The following DBF4B variants were observed in gnomAD, a reference collection of about 807,000 sequenced individuals.
DBF4B encodes protein DBF4 homolog B.
Under a neutral mutation model 53.4 loss-of-function variants are expected in DBF4B, and 49 were observed. That is an observed-to-expected ratio of 0.92 (90% confidence interval 0.73 to 1.16). DBF4B has a LOEUF of 1.16. DBF4B is among the 50% of genes most tolerant of loss of function. The probability of loss-of-function intolerance (pLI) is 0.00; values close to 1 mark genes in which losing one functional copy is unlikely to be tolerated. For synonymous variants in DBF4B, 257 were observed against 288.7 expected (o/e 0.89, Z 1.11); for missense variants, 692 against 775.0 (o/e 0.89, Z 1.27).
chr17:44,751,621 A>C lies in DBF4B; in HGVS notation c.*368A>C. ...CCTCTCCTGGAAAACACTTGAGTTGATTCAGTAAATCGACTTCAAATACTT... is the reference window on the plus strand; with the variant it reads ...CCTCTCCTGGAAAACACTTGAGTTGCTTCAGTAAATCGACTTCAAATACTT... On this transcript the variant is annotated 3_prime_UTR_variant, in exon 14 of 14. Coordinates refer to ENST00000315005, the MANE Select transcript of DBF4B (RefSeq NM_145663.3). 7.3e-7 allele frequency: 1 copy of C among 1,363,152 alleles called. No homozygotes were observed. The highest frequency in any genetic ancestry group is 9.5e-7 in the Non-Finnish European group (1 of 1,057,532). The allele number at this position is 1,363,152 out of a possible 1,614,324, so 84.4% of individuals were successfully genotyped here.
chr17:44,719,704 G>A (rs1158630071), intron 2 of DBF4B: 4 of 159,778 alleles, frequency 2.5e-5, no homozygotes, highest in Non-Finnish European at 5.5e-5. Context: ...GGACATATGA[G>A]TTTCCACTTT....
intron 3 of DBF4B, among the ~76,000 whole-genome samples, chr17:44,728,466 T>C (rs1568175906): frequency 6.6e-6 from 1 of 152,172 alleles, no homozygotes; most frequent in South Asian, 2.1e-4. Flanking sequence ...TATATTTATA[T>C]AGGATAATCA....
chr17:44,738,228 G>A, intron 8 of DBF4B, 151 bp from the exon 9 acceptor site: 1 of 756,050 alleles, frequency 1.3e-6, no homozygotes, highest in South Asian at 2.3e-5. Flanking sequence ...CTGAGTGAAT[G>A]GAGAGCGCAG....
chr17:44,708,709 C>A lies in DBF4B; in HGVS notation c.-112C>A. ...AAACGCCAAGAGATTGATGCTGTAG[C>A]TGCCCTGAGATAACCAGGACTGTGG... On this transcript the variant is annotated 5_prime_UTR_variant, in exon 1 of 14. It adds an upstream start codon to the 5' untranslated region. Coordinates refer to ENST00000315005, the MANE Select transcript of DBF4B (RefSeq NM_145663.3). 7.7e-7 allele frequency: 1 copy of A among 1,302,298 alleles called. No individual in the cohort carries two copies. The highest frequency in any genetic ancestry group is 1.0e-6 in the Non-Finnish European group (1 of 966,498). The allele number at this position is 1,302,298 out of a possible 1,614,324, so 80.7% of individuals were successfully genotyped here.
At chr17:44,748,731 TAAG>T (rs979768381) in intron 13 of DBF4B, 3 of 1,372,062 alleles carry the variant, frequency 2.2e-6, no homozygotes, top group African/African-American at 1.5e-5. Flanking sequence ...GTGGCAGTGC[TAAG>T]AAGAGAGTGG....
At chr17:44,720,462 A>G (rs1379016852) in intron 2 of DBF4B, 3 of 229,218 alleles carry the variant, frequency 1.3e-5, no homozygotes, top group Non-Finnish European at 2.7e-5. Context: ...ACAGGATTGC[A>G]GCTGCAATGG....
At chr17:44,732,398 T>C in intron 6 of DBF4B, 133 bp downstream of exon 6, 1 of 966,626 alleles carries the variant, frequency 1.0e-6, no homozygotes, top group Non-Finnish European at 1.6e-6. Flanking sequence ...GCCATGTTGA[T>C]CCACAAAGGT....
Position 44,732,234 on chromosome 17 carries a change from C to T in DBF4B, c.525C>T (p.Arg175=). The stretch of plus-strand genomic sequence containing the variant: ...GCAGCAGCCTCCTGACCAATGCCCG[C>T]TCTTGGGGAGTGAGGATTCTGCACG... ...GGSSSLLTNA[R]SWGVRILHVD... is the part of the protein sequence containing the mutation. The change falls in exon 6 of 14, where the codon CGC becomes CGT. Residue 175 remains arginine, a synonymous_variant. Transcript: ENST00000315005. 6.2e-7 allele frequency: 1 copy of T among 1,614,160 alleles called. No individual in the cohort carries two copies. The highest frequency in any genetic ancestry group is 2.2e-5 in the East Asian group (1 of 44,880).
At chr17:44,736,359 C>G (rs1975431556) in intron 7 of DBF4B, among the ~76,000 whole-genome samples, 1 of 152,100 alleles carries the variant, frequency 6.6e-6, no homozygotes, top group African/African-American at 2.4e-5. Context: ...TCAGAGTACA[C>G]AAGATAGGAC....
In DBF4B at chr17:44,749,127, G is replaced by A. The variant is rs1011006106; in HGVS notation, c.1189+662G>A. 2.2e-5 allele frequency: 28 copies of A among 1,289,514 alleles called. No individual in the cohort carries two copies. Among genetic ancestry groups the A allele is most frequent in the Middle Eastern group, 2.1e-4 (1 of 4,668 alleles). 79.9% of individuals were successfully genotyped at this position (1,289,514 alleles called of 1,614,324 possible). ...ACTCAGCTACCAGTGTGCAGCCCTC[G>A]GGAGCACCTGTAGAGAGCAGGTCTA... On this transcript the variant is annotated intron_variant, in intron 13 of 13. Transcript: ENST00000315005. The surrounding 1 kb of genome is among the most constrained non-coding windows in gnomAD (Gnocchi z 4.4).
chr17:44,729,021 G>A (rs984876940), intron 3 of DBF4B, among the ~76,000 whole-genome samples: 7 of 152,072 alleles, frequency 4.6e-5, no homozygotes, highest in African/African-American at 9.6e-5. Context: ...GCTTGAACCC[G>A]GGAGGTGGAG....
chr17:44,715,409 C>A (rs1973237355), intron 2 of DBF4B, among the ~76,000 whole-genome samples: 1 of 152,036 alleles, frequency 6.6e-6, no homozygotes, highest in African/African-American at 2.4e-5. Flanking sequence ...GTTAGCCAGG[C>A]TGGTCTCAAA....
At position 44,749,866 on chromosome 17, in the gene DBF4B, G is replaced by T. The variant is rs1317989248; in HGVS notation, c.1190-729G>T. On this transcript the variant is annotated intron_variant, in intron 13 of 13. Transcript: ENST00000315005. The surrounding 1 kb of genome is among the most constrained non-coding windows in gnomAD (Gnocchi z 4.4). Reference sequence around the variant, plus strand: ...TGTGGCCGCTCCTGCTTTCCAAAATGACTGTGTTTGTCCCCTCCCCCAGCC... The same window carrying T: ...TGTGGCCGCTCCTGCTTTCCAAAATTACTGTGTTTGTCCCCTCCCCCAGCC... 18 of 1,031,428 alleles carry T rather than the reference G, an allele frequency of 1.7e-5. No homozygotes were observed. The highest frequency in any genetic ancestry group is 2.1e-5 in the Non-Finnish European group (18 of 857,950). 63.9% of individuals were successfully genotyped at this position (1,031,428 alleles called of 1,614,324 possible).
intron 2 of DBF4B, among the ~76,000 whole-genome samples, chr17:44,715,349 C>T (rs556098150): frequency 3.3e-5 from 5 of 152,076 alleles, no homozygotes; most frequent in Non-Finnish European, 5.9e-5. Flanking sequence ...TACAGGCACC[C>T]GCCACCTGGC....
rs185296256 is a variant in DBF4B at position 44,708,927 on chromosome 17, A to G, written c.19+88A>G. ...GCGGAGTCGTGGAGGGGGCTTAGGA[A>G]GTGACCAGCGGGTAGGTGCCGAAGC... On this transcript the variant is annotated intron_variant, in intron 1 of 13. Coordinates refer to ENST00000315005, the MANE Select transcript of DBF4B (RefSeq NM_145663.3). The G allele has an allele frequency of 6.6e-4, 1,002 of 1,518,584 alleles. 5 individuals carry two copies. In the African/African-American group the frequency reaches 0.013, roughly 19 times the overall value. The allele number at this position is 1,518,584 out of a possible 1,614,324, so 94.1% of individuals were successfully genotyped here.
rs1361164282 is a variant in DBF4B at position 44,747,155 on chromosome 17, C to T, written c.903C>T (p.Cys301=). ...HTMPRRKKGY[C]ECCQEAFEEL... ...TGCCCAGGAGGAAGAAAGGCTACTG[C>T]GAGTGCTGTCAGGAGGCCTTCGAGG... The change falls in exon 11 of 14, where the codon TGC becomes TGT. Residue 301 remains cysteine (C), a synonymous_variant. Coordinates refer to ENST00000315005, the MANE Select transcript of DBF4B (RefSeq NM_145663.3). The T allele has an allele frequency of 5.0e-6, 8 of 1,614,070 alleles. No homozygotes were observed. The highest frequency in any genetic ancestry group is 2.2e-5 in the South Asian group (2 of 91,092).
At chr17:44,745,721 A>G (rs1395926867) in intron 10 of DBF4B, among the ~76,000 whole-genome samples, 3 of 152,210 alleles carry the variant, frequency 2.0e-5, no homozygotes, top group African/African-American at 7.2e-5. Flanking sequence ...TCATTTGCTA[A>G]TGATTCTTTG....
intron 13 of DBF4B, chr17:44,750,289 A>T: frequency 1.8e-6 from 2 of 1,130,196 alleles, no homozygotes; most frequent in Non-Finnish European, 1.1e-6. Flanking sequence ...GATTCTTCTC[A>T]CCCTTCTCTG....
chr17:44,739,029 A>G (rs1350022076), intron 9 of DBF4B, among the ~76,000 whole-genome samples: 1 of 152,194 alleles, frequency 6.6e-6, no homozygotes, highest in African/African-American at 2.4e-5. Flanking sequence ...GGACTTGTGT[A>G]CAGCCACCTT....
Sources: allele counts gnomAD v4.1 joint callset (sites outside exome capture counted in the v4.1 genomes callset), GRCh38; gene constraint gnomAD v4.1.1; non-coding constraint Gnocchi (gnomAD v3.1); transcripts MANE v1.5; gene names NCBI Gene and HGNC (gene_info 2026-07-23, HGNC 2026-07-21).